The following CDH18 variants were observed in gnomAD, a reference collection of about 807,000 sequenced individuals.
CDH18 encodes cadherin-18.
A neutral mutation model predicts 67.9 loss-of-function variants in CDH18; 31 were observed. That is an observed-to-expected ratio of 0.46 (90% CI 0.34 to 0.62). The LOEUF (loss-of-function observed/expected upper bound fraction) is 0.62. Ranked by LOEUF, CDH18 falls within the 20% of genes least tolerant of loss-of-function variation. CDH18 has a pLI of 0.01. For missense variants in CDH18, 890 were observed against 975.5 expected (o/e 0.91, Z 1.17); for synonymous variants, 362 against 347.2 (o/e 1.04, Z -0.48).
intron 2 of CDH18, among the ~76,000 whole-genome samples, chr5:20,051,005 G>T (rs1741372434): frequency 1.3e-5 from 2 of 151,764 alleles, no homozygotes; most frequent in Admixed American, 1.3e-4. Context: ...ATGGAGTATT[G>T]TAATAAAAAG....
intron 3 of CDH18, among the ~76,000 whole-genome samples, chr5:19,832,239 GC>G (rs1204518684): frequency 2.6e-5 from 4 of 151,860 alleles, no homozygotes; most frequent in Non-Finnish European, 5.9e-5. Flanking sequence ...ATGCACATGT[GC>G]CCTTTGAATC....
intron 1 of CDH18, among the ~76,000 whole-genome samples, chr5:20,555,237 C>T (rs1757833171): frequency 6.6e-6 from 1 of 151,952 alleles, no homozygotes; most frequent in Admixed American, 6.6e-5. Flanking sequence ...CATCTACCGG[C>T]CAGGAAGACA....
intron 1 of CDH18, among the ~76,000 whole-genome samples, chr5:20,406,906 A>C (rs1254721583): frequency 1.3e-5 from 2 of 152,198 alleles, no homozygotes; most frequent in Non-Finnish European, 2.9e-5. Flanking sequence ...AATTGGAAGC[A>C]ATATCTCAGT....
upstream of CDH18, among the ~76,000 whole-genome samples, chr5:19,992,390 T>C (rs913647103): frequency 2.7e-5 from 4 of 149,924 alleles, no homozygotes; most frequent in Admixed American, 2.7e-4. Flanking sequence ...GAAAATATAA[T>C]AGATGATGAA....
At chr5:20,396,573 G>C (rs1262042880) in intron 1 of CDH18, among the ~76,000 whole-genome samples, 5 of 151,830 alleles carry the variant, frequency 3.3e-5, no homozygotes, top group African/African-American at 1.2e-4. Flanking sequence ...TAATATAATT[G>C]AATTTAAATT....
At chr5:20,456,831 T>C (rs1367653934) in intron 1 of CDH18, among the ~76,000 whole-genome samples, 2 of 152,160 alleles carry the variant, frequency 1.3e-5, no homozygotes, top group Non-Finnish European at 2.9e-5. Flanking sequence ...TTTTTTGTAG[T>C]AGAGAAGACA....
chr5:19,832,611 G>A (rs1396315445), intron 3 of CDH18, among the ~76,000 whole-genome samples: 3 of 152,196 alleles, frequency 2.0e-5, no homozygotes, highest in Middle Eastern at 3.4e-3. Context: ...ACACGCCTAT[G>A]TCCTATATGG....
chr5:19,693,820 T>C (rs1251939943), intron 5 of CDH18, among the ~76,000 whole-genome samples: 1 of 150,322 alleles, frequency 6.7e-6, no homozygotes, highest in Non-Finnish European at 1.5e-5. Flanking sequence ...CGCTTGAACC[T>C]GAGAGCTGGA....
chr5:20,107,000 G>C (rs185614741), intron 2 of CDH18, among the ~76,000 whole-genome samples: 42 of 151,632 alleles, frequency 2.8e-4, no homozygotes, highest in Middle Eastern at 6.9e-3. Context: ...GAAAATGTCT[G>C]TTAATAAAAT....
At position 19,520,775 on chromosome 5, in the gene CDH18, T is replaced by C; in HGVS notation, c.1394A>G (p.Asn465Ser). The change falls in exon 10 of 13, where the codon AAT becomes AGT. Residue 465 changes from asparagine to serine, a missense_variant. Asn to Ser is a conservative substitution (Grantham distance 46, BLOSUM62 1). Around this residue, in one of 2 missense-constraint regions of CDH18, gnomAD observed 656 missense variants for 668.1 expected, o/e 0.98. Transcript: ENST00000382275. ...TGTGACATGGCTCAGCAAATCAGGA[T>C]TATCTGCAAAATACACAGGAATGTA... Reference protein sequence around the residue: ...NITVTASEIDNPDLLSHVTVG... With the variant: ...NITVTASEIDSPDLLSHVTVG... The C allele has an allele frequency of 6.2e-7, 1 of 1,612,570 alleles. No homozygotes were observed. Among genetic ancestry groups the C allele is most frequent in the Non-Finnish European group, 8.5e-7 (1 of 1,179,302 alleles).
intron 4 of CDH18, among the ~76,000 whole-genome samples, chr5:19,735,977 T>C (rs1029338913): frequency 1.3e-5 from 2 of 152,142 alleles, no homozygotes; most frequent in Non-Finnish European, 2.9e-5. Context: ...GGTAATTTAA[T>C]TGGAGGAAAG....
At chr5:20,200,748 A>C (rs574155900) in intron 2 of CDH18, among the ~76,000 whole-genome samples, 1 of 152,232 alleles carries the variant, frequency 6.6e-6, no homozygotes, top group Non-Finnish European at 1.5e-5. Context: ...CCAAAAGGAT[A>C]AAAGTTCCTT....
chr5:20,506,865 T>C (rs959589931), intron 1 of CDH18, among the ~76,000 whole-genome samples: 2 of 152,244 alleles, frequency 1.3e-5, no homozygotes, highest in South Asian at 4.1e-4. Flanking sequence ...CTCCCTTTGC[T>C]TCCTTGAATG....
intron 2 of CDH18, among the ~76,000 whole-genome samples, chr5:20,151,323 TC>T (rs1751080577): frequency 6.6e-6 from 1 of 152,164 alleles, no homozygotes; most frequent in African/African-American, 2.4e-5. Context: ...ATAATTGTAT[TC>T]CTTTTTATGG....
chr5:19,779,998 C>T (rs1774910441), intron 3 of CDH18, among the ~76,000 whole-genome samples: 4 of 152,076 alleles, frequency 2.6e-5, no homozygotes, highest in Admixed American at 2.6e-4. Flanking sequence ...GCTAAGAATT[C>T]AGGCATTCTT....
chr5:19,587,371 A>G (rs1054046857), intron 7 of CDH18, among the ~76,000 whole-genome samples: 3 of 152,140 alleles, frequency 2.0e-5, no homozygotes, highest in Admixed American at 1.3e-4. Context: ...GCCTGTGCCT[A>G]TGTCCTGAAA....
intron 2 of CDH18, among the ~76,000 whole-genome samples, chr5:19,888,735 A>G (rs1788482944): frequency 6.6e-6 from 1 of 152,116 alleles, no homozygotes; most frequent in Admixed American, 6.6e-5. Flanking sequence ...ATTAGATGTT[A>G]CACTCATATT....
intron 4 of CDH18, among the ~76,000 whole-genome samples, chr5:19,726,284 T>A (rs929996247): frequency 1.1e-4 from 16 of 152,150 alleles, no homozygotes; most frequent in African/African-American, 3.6e-4. Flanking sequence ...CAGACAAAAA[T>A]ATATATATAG....
intron 2 of CDH18, among the ~76,000 whole-genome samples, chr5:19,841,393 A>G (rs1554047012): frequency 6.6e-6 from 1 of 152,184 alleles, no homozygotes; most frequent in Middle Eastern, 3.4e-3. Context: ...TTTACTTACT[A>G]TATTAATTTA....
Sources: allele counts gnomAD v4.1 joint callset (sites outside exome capture counted in the v4.1 genomes callset), GRCh38; gene constraint gnomAD v4.1.1; regional missense constraint gnomAD v4.1.1; transcripts MANE v1.5; gene names NCBI Gene and HGNC (gene_info 2026-07-23, HGNC 2026-07-21).